MYEF2: variants seen among roughly 807,000 people sequenced by gnomAD.
MYEF2 encodes the protein myelin gene expression factor 2.
A neutral mutation model predicts 75.2 loss-of-function variants in MYEF2; 37 were observed. The ratio of observed to expected loss-of-function variants is 0.49; its 90% CI spans 0.38 to 0.65. The LOEUF (loss-of-function observed/expected upper bound fraction) is 0.65, where lower values mean the gene tolerates loss of function less well. MYEF2 is among the 30% of genes least tolerant of loss of function. The pLI is 0.00. For missense variants in MYEF2, 634 were observed against 771.4 expected (o/e 0.82, Z 2.11); for synonymous variants, 195 against 241.6 (o/e 0.81, Z 1.79).
chr15:48,137,810 C>T lies in MYEF2; in HGVS notation c.*5098G>A, dbSNP rs1455947630. 1 of 152,064 alleles carries T rather than the reference C, an allele frequency of 6.6e-6. No individual in the cohort carries two copies. Among genetic ancestry groups the T allele is most frequent in the Non-Finnish European group, 1.5e-5 (1 of 67,976 alleles). The allele number at this position is 152,064 out of a possible 1,614,324, so 9.4% of individuals were successfully genotyped here. A position where few individuals can be genotyped will look rare whatever the true frequency, so the allele number is the denominator to read the frequency against. The stretch of plus-strand genomic sequence containing the variant: ...GGTTTGGAAGAAAGAAGAAAAACAG[C>T]TGAGGTTTACCATTGTTTAAAGCAA... On this transcript the variant is annotated 3_prime_UTR_variant, in exon 17 of 17. Transcript: ENST00000324324.
rs1266081069 is a variant in MYEF2 at position 48,139,978 on chromosome 15, A to C, written c.*2930T>G. On this transcript the variant is annotated 3_prime_UTR_variant, in exon 17 of 17. Coordinates refer to ENST00000324324, the MANE Select transcript of MYEF2 (RefSeq NM_016132.5). Reference sequence around the variant, plus strand: ...GAAATCACACAGCCTGCAAAGCCTAAATAATTACTATCTGGCCCCTCACAG... The same window carrying C: ...GAAATCACACAGCCTGCAAAGCCTACATAATTACTATCTGGCCCCTCACAG... The C allele has an allele frequency of 3.3e-5, 5 of 152,212 alleles. No individual in the cohort carries two copies. The highest frequency in any genetic ancestry group is 1.5e-5 in the Non-Finnish European group (1 of 67,968). 9.4% of individuals were successfully genotyped at this position (152,212 alleles called of 1,614,324 possible).
At position 48,139,551 on chromosome 15, in the gene MYEF2, C is replaced by T. The variant is rs1459913119; in HGVS notation, c.*3357G>A. 1 of 154,468 alleles carries T rather than the reference C, an allele frequency of 6.5e-6. No individual in the cohort carries two copies. The highest frequency in any genetic ancestry group is 1.4e-5 in the Non-Finnish European group (1 of 71,322). The allele number at this position is 154,468 out of a possible 1,614,324, so 9.6% of individuals were successfully genotyped here. ...AAAAAAAAGAACAAAAAAACAAAAA[C>T]AAAGCAAGGAGCTCTATTTTTGGGA... is the stretch of plus-strand genomic sequence containing the variant. On this transcript the variant is annotated 3_prime_UTR_variant, in exon 17 of 17. Coordinates refer to ENST00000324324, the MANE Select transcript of MYEF2 (RefSeq NM_016132.5).
At chr15:48,152,558 G>T (rs1183742222) in intron 10 of MYEF2, 1 of 356,462 alleles carries the variant, frequency 2.8e-6, no homozygotes. Flanking sequence ...TCTTGAACTA[G>T]GTAATCATTC....
At chr15:48,166,177 G>A in intron 3 of MYEF2, 49 bp from the exon 4 acceptor site, 1 of 1,439,174 alleles carries the variant, frequency 6.9e-7, no homozygotes, top group South Asian at 1.2e-5. Flanking sequence ...AAAAGTTTTA[G>A]ATCAGTACAT....
intron 7 of MYEF2, 152 bp downstream of exon 7, chr15:48,158,617 T>C (rs1294297493): frequency 1.1e-5 from 10 of 872,204 alleles, no homozygotes; most frequent in Non-Finnish European, 1.8e-5. Context: ...CTTTAATACT[T>C]GGACCTACTA....
In MYEF2 at chr15:48,139,238, T is replaced by C; in HGVS notation, c.*3670A>G. ...TTCATATAAGAACAAATTGCATATG[T>C]TCACTCAAAGTAGTCTAGCTACACA... On this transcript the variant is annotated 3_prime_UTR_variant, in exon 17 of 17. Coordinates refer to ENST00000324324, the MANE Select transcript of MYEF2 (RefSeq NM_016132.5). The C allele has an allele frequency of 2.8e-6, 4 of 1,410,912 alleles. No homozygotes were observed. Among genetic ancestry groups the C allele is most frequent in the Non-Finnish European group, 3.0e-6 (3 of 1,010,840 alleles). The allele number at this position is 1,410,912 out of a possible 1,614,324, so 87.4% of individuals were successfully genotyped here.
At chr15:48,170,207 T>C (rs62000704) in intron 1 of MYEF2, among the ~76,000 whole-genome samples, 1 of 151,748 alleles carries the variant, frequency 6.6e-6, no homozygotes, top group Non-Finnish European at 1.5e-5. Flanking sequence ...CTCACTGCAA[T>C]CTCCGCCTCC....
chr15:48,151,380 T>G, intron 13 of MYEF2, 93 bp downstream of exon 13: 1 of 1,239,132 alleles, frequency 8.1e-7, no homozygotes, highest in Non-Finnish European at 1.2e-6. Flanking sequence ...TATAAAACAT[T>G]ATGATTTTCT....
chr15:48,176,933 AAG>A lies in MYEF2; in HGVS notation c.161+1142_161+1143del, dbSNP rs149703586. On this transcript the variant is annotated intron_variant, in intron 1 of 16. Coordinates refer to ENST00000324324, the MANE Select transcript of MYEF2 (RefSeq NM_016132.5). ...ATCCTGTTCAAACTCATTTGAGAGCAAGAGTGTCAAAGAGCTGGGGAGAGCTA... is the reference window on the plus strand; with the variant it reads ...ATCCTGTTCAAACTCATTTGAGAGCAAGTGTCAAAGAGCTGGGGAGAGCTA... 6.8e-3 allele frequency among the ~76,000 whole-genome samples: 1,035 copies of A among 152,320 alleles called. 13 individuals carry two copies. Among genetic ancestry groups the A allele is most frequent in the African/African-American group, 0.024 (1,012 of 41,560 alleles).
intron 1 of MYEF2, among the ~76,000 whole-genome samples, chr15:48,169,658 T>C (rs900354051): frequency 1.3e-5 from 2 of 150,324 alleles, no homozygotes; most frequent in Non-Finnish European, 3.0e-5. Flanking sequence ...AGTGCAGTGG[T>C]GCAATCTCGA....
chr15:48,166,102 TA>T lies in MYEF2; in HGVS notation c.431+18del. The T allele has an allele frequency of 1.3e-6, 2 of 1,578,620 alleles. No homozygotes were observed. Among genetic ancestry groups the T allele is most frequent in the Non-Finnish European group, 1.7e-6 (2 of 1,159,936 alleles). On this transcript the variant is annotated intron_variant, in intron 4 of 16. Coordinates refer to ENST00000324324, the MANE Select transcript of MYEF2 (RefSeq NM_016132.5). ...AAAGTTTAATTTGACTTAAGATACT[TA>T]AAGAAAAAATTTCTTACCCACAACC...
rs2039025425 is a variant in MYEF2 at position 48,140,362 on chromosome 15, T to C, written c.*2546A>G. On this transcript the variant is annotated 3_prime_UTR_variant, in exon 17 of 17. Transcript: ENST00000324324. ...ATAAGCTACTTTCTAATTATTTTAG[T>C]TGGCATTTTAAGAAAAAAAAAGAGA... 6.6e-6 allele frequency: 1 copy of C among 152,118 alleles called. No homozygotes were observed. The highest frequency in any genetic ancestry group is 2.4e-5 in the African/African-American group (1 of 41,430). 9.4% of individuals were successfully genotyped at this position (152,118 alleles called of 1,614,324 possible).
intron 11 of MYEF2, 71 bp downstream of exon 11, chr15:48,152,163 T>C: frequency 7.0e-7 from 1 of 1,424,948 alleles, no homozygotes; most frequent in Admixed American, 1.9e-5. Context: ...TTTCATGGAA[T>C]TCTCAACACA....
At chr15:48,164,415 CA>C (rs1187420772) in intron 5 of MYEF2, among the ~76,000 whole-genome samples, 2 of 151,534 alleles carry the variant, frequency 1.3e-5, no homozygotes, top group Non-Finnish European at 2.9e-5. Context: ...CTTGTATGAG[CA>C]AAGAAAGTCA....
intron 1 of MYEF2, among the ~76,000 whole-genome samples, 191 bp from the exon 2 acceptor site, chr15:48,169,030 G>T (rs2040230575): frequency 6.6e-6 from 1 of 152,072 alleles, no homozygotes; most frequent in Non-Finnish European, 1.5e-5. Context: ...GCAAGGATTT[G>T]GTTTCTCATT....
Position 48,136,531 on chromosome 15 carries a change from G to T in MYEF2, c.*6377C>A. On this transcript the variant is annotated 3_prime_UTR_variant, in exon 17 of 17. Transcript: ENST00000324324. Reference sequence around the variant, plus strand: ...ACATAATAATGCTGTAATCAAGTCTGGACAAATCTACAAAACAAAAAATAT... The same window carrying T: ...ACATAATAATGCTGTAATCAAGTCTTGACAAATCTACAAAACAAAAAATAT... 1.5e-6 allele frequency: 1 copy of T among 673,614 alleles called. No homozygotes were observed. 41.7% of individuals were successfully genotyped at this position (673,614 alleles called of 1,614,324 possible).
chr15:48,167,174 C>T (rs761072572), intron 3 of MYEF2, among the ~76,000 whole-genome samples, 175 bp downstream of exon 3: 2 of 152,016 alleles, frequency 1.3e-5, no homozygotes, highest in Admixed American at 6.6e-5. Flanking sequence ...CCATCCCTTC[C>T]AGGCAGCTAG....
At chr15:48,157,288 T>C (rs1027929155) in intron 9 of MYEF2, 5 of 152,110 alleles carry the variant, frequency 3.3e-5, no homozygotes, top group African/African-American at 1.2e-4. Context: ...ACAGAGGCAC[T>C]GAGACACATA....
intron 1 of MYEF2, among the ~76,000 whole-genome samples, chr15:48,173,885 G>T (rs1283793793): frequency 1.3e-5 from 2 of 152,064 alleles, no homozygotes; most frequent in African/African-American, 4.8e-5. Flanking sequence ...GTTCACAGAT[G>T]AGAGGAATTA....
Sources: allele counts gnomAD v4.1 joint callset (sites outside exome capture counted in the v4.1 genomes callset), GRCh38; gene constraint gnomAD v4.1.1; transcripts MANE v1.5; gene names NCBI Gene and HGNC (gene_info 2026-07-23, HGNC 2026-07-21).